TGFB1: variants seen among roughly 807,000 people sequenced by gnomAD.
TGFB1 encodes the protein transforming growth factor beta-1 proprotein.
A neutral mutation model predicts 43.8 loss-of-function variants in TGFB1; 19 were observed. The ratio of observed to expected loss-of-function variants is 0.43; its 90% CI spans 0.30 to 0.64. The LOEUF is 0.64. Among genes scored for constraint, TGFB1 ranks in the 30% least tolerant of loss-of-function variants. The pLI, the probability that TGFB1 is intolerant of heterozygous loss-of-function variation, is 0.11. For missense variants in TGFB1, 445 were observed against 529.8 expected, an observed-to-expected ratio of 0.84 and a Z score of 1.57; for synonymous variants, 221 against 236.3, an observed-to-expected ratio of 0.94 and a Z score of 0.60.
Position 41,341,879 on chromosome 19 carries a change from T to C in TGFB1, c.860+4A>G. On this transcript the variant is annotated splice_donor_region_variant and intron_variant, in intron 5 of 6. Coordinates refer to ENST00000221930, the MANE Select transcript of TGFB1 (RefSeq NM_000660.7). ...AAGGCCTCCATCCAGGCTACAAGGC[T>C]CACCTGAAGCAATAGTTGGTGTCCA... 6.2e-7 allele frequency: 1 copy of C among 1,613,114 alleles called. No individual in the cohort carries two copies. The highest frequency in any genetic ancestry group is 2.2e-5 in the East Asian group (1 of 44,876).
intron 5 of TGFB1, 57 bp from the exon 6 acceptor site, chr19:41,332,338 A>G (rs1430895634): frequency 3.7e-5 from 58 of 1,575,772 alleles, no homozygotes; most frequent in Non-Finnish European, 4.9e-5. Flanking sequence ...TAGAAGCCAC[A>G]TGCCCCTCCT....
intron 6 of TGFB1, 60 bp downstream of exon 6, chr19:41,332,068 C>T (rs2037937949): frequency 9.5e-6 from 15 of 1,579,596 alleles, no homozygotes; most frequent in Non-Finnish European, 1.1e-5. Context: ...CTTTCTCTCT[C>T]CTCTTCCTCC....
At chr19:41,348,207 G>A in intron 2 of TGFB1, 88 bp downstream of exon 2, 2 of 1,507,516 alleles carry the variant, frequency 1.3e-6, no homozygotes, top group Non-Finnish European at 1.8e-6. Context: ...GGTGGACCTT[G>A]TAACCAGCCG....
intron 4 of TGFB1, 69 bp from the exon 5 acceptor site, chr19:41,342,099 G>C (rs761896338): frequency 1.2e-6 from 2 of 1,613,142 alleles, no homozygotes; most frequent in Non-Finnish European, 8.5e-7. Context: ...GATAAGTGGG[G>C]CGTGGGGCAG....
At chr19:41,338,348 G>C (rs1296836997) in intron 5 of TGFB1, among the ~76,000 whole-genome samples, 2 of 151,538 alleles carry the variant, frequency 1.3e-5, no homozygotes, top group African/African-American at 4.9e-5. Flanking sequence ...ACAAAAGTTA[G>C]CCGGGCATGG....
rs980524311 is a variant in TGFB1, at chr19:41,331,204, C to A, written c.1021G>T (p.Ala341Ser). 3 of 1,525,426 alleles carry A rather than the reference C, an allele frequency of 2.0e-6. No individual in the cohort carries two copies. The highest frequency in any genetic ancestry group is 2.8e-5 in the African/African-American group (2 of 71,972). The allele number at this position is 1,525,426 out of a possible 1,614,324, so 94.5% of individuals were successfully genotyped here. The change falls in exon 7 of 7, where the codon GCC becomes TCC. Residue 341 changes from alanine to serine, a missense_variant. This residue lies in a region of TGFB1 where 23 missense variants were observed against 54.1 expected (regional missense o/e 0.42). Coordinates refer to ENST00000221930, the MANE Select transcript of TGFB1 (RefSeq NM_000660.7). ...CCCGGGTTATGCTGGTTGTACAGGG[C>A]CAGGACCTGCGGGCGGCGGGCGGGG... ...SLDTQYSKVL[A>S]LYNQHNPGAS... is the part of the protein sequence containing the mutation.
In TGFB1 at chr19:41,351,639, T is replaced by C. The variant is rs568523481; in HGVS notation, c.355+1051A>G. Among the ~76,000 whole-genome samples, 533 of 152,258 alleles carry C rather than the reference T, an allele frequency of 3.5e-3. 3 individuals carry two copies. Among genetic ancestry groups the C allele is most frequent in the African/African-American group, 0.012 (505 of 41,564 alleles). On this transcript the variant is annotated intron_variant, in intron 1 of 6. Transcript: ENST00000221930. ...TAGCGCAGCGGGGTCCTCCTGCCCC[T>C]TGGTGGAAGCGCAGGCTCCTCCCCC...
intron 2 of TGFB1, among the ~76,000 whole-genome samples, chr19:41,346,093 G>A (rs574273880): frequency 1.3e-5 from 2 of 152,202 alleles, no homozygotes; most frequent in South Asian, 4.2e-4. Context: ...GCTCACGCTT[G>A]TAATCCCAGC....
intron 5 of TGFB1, among the ~76,000 whole-genome samples, chr19:41,341,276 C>G (rs1229473030): frequency 6.6e-6 from 1 of 151,028 alleles, no homozygotes; most frequent in Admixed American, 6.6e-5. Context: ...ACCATCCTGG[C>G]TAACACAGTG....
Position 41,332,189 on chromosome 19 carries a change from T to C in TGFB1, c.953A>G (p.His318Arg), listed in dbSNP as rs763101036. ...GCAGGGCCCGAGGCAGAAGTTGGCA[T>C]GGTAGCCCTTGGGCTCGTGGATCCA... ...WKWIHEPKGY[H>R]ANFCLGPCPY... Residue 318 changes from histidine to arginine, a missense_variant, in exon 6 of 7, where the codon CAT becomes CGT. Physicochemically the swap from His to Arg is conservative, Grantham distance 29. This residue lies in a region of TGFB1 where 23 missense variants were observed against 54.1 expected (regional missense o/e 0.42). Transcript: ENST00000221930. The C allele has an allele frequency of 5.6e-6, 9 of 1,614,172 alleles. No individual in the cohort carries two copies. The highest frequency in any genetic ancestry group is 5.9e-6 in the Non-Finnish European group (7 of 1,180,016).
intron 5 of TGFB1, among the ~76,000 whole-genome samples, chr19:41,333,580 C>T (rs539851386): frequency 3.3e-5 from 5 of 152,220 alleles, no homozygotes; most frequent in African/African-American, 9.6e-5. Flanking sequence ...AGGCTGGTGT[C>T]GAACTTGGGC....
Position 41,353,073 on chromosome 19 carries a change from G to A in TGFB1, c.-29C>T, listed in dbSNP as rs1179690329. 25 of 1,504,266 alleles carry A rather than the reference G, an allele frequency of 1.7e-5. No homozygotes were observed. The highest frequency in any genetic ancestry group is 5.0e-5 in the East Asian group (2 of 40,064). 93.2% of individuals were successfully genotyped at this position (1,504,266 alleles called of 1,614,324 possible). On this transcript the variant is annotated 5_prime_UTR_variant, in exon 1 of 7. Transcript: ENST00000221930. The surrounding 1 kb of genome is among the most constrained non-coding windows in gnomAD (Gnocchi z 5.9). ...GGAGGCGGCGCCCCCCGGCACTGCC[G>A]AGAGCGCGAACAGGGCTGGTGTGGT...
At position 41,344,768 on chromosome 19, in the gene TGFB1, G is replaced by A. The variant is rs199882566; in HGVS notation, c.613C>T (p.Arg205Trp). ...TCACCTCCACGGCTCAACCACTGCC[G>A]CACAACTCCGGTGACATCAAAAGAT... is the stretch of plus-strand genomic sequence containing the variant. ...WLSFDVTGVV[R>W]QWLSRGGEIE... The change falls in exon 3 of 7, where the codon CGG (arginine) becomes TGG (tryptophan). Residue 205 changes from arginine (R) to tryptophan (W), a missense_variant. Physicochemically the swap from Arg to Trp is moderately radical, Grantham distance 101. This residue lies in a region of TGFB1 where 366 missense variants were observed against 428.8 expected (regional missense o/e 0.85). Transcript: ENST00000221930. The A allele has an allele frequency of 4.7e-5, 76 of 1,613,856 alleles. No homozygotes were observed. The East Asian group carries it at 5.6e-4, about 12-fold the overall frequency.
At position 41,331,146 on chromosome 19, in the gene TGFB1, G is replaced by A. The variant is rs1046906328; in HGVS notation, c.1079C>T (p.Ala360Val). ...ASAAPCCVPQALEPLPIVYYV... is the reference protein window; with the variant it reads ...ASAAPCCVPQVLEPLPIVYYV... ...GTACACGATGGGCAGCGGCTCCAGC[G>A]CCTGCGGCACGCAGCACGGCGCCGC... Residue 360 changes from alanine (A) to valine (V), a missense_variant, in exon 7 of 7, where the codon GCG becomes GTG. Transcript: ENST00000221930. 6 of 1,568,440 alleles carry A rather than the reference G, an allele frequency of 3.8e-6. No homozygotes were observed. The African/African-American group carries it at 4.1e-5, about 11-fold the overall frequency.
At chr19:41,335,132 A>C (rs1385559649) in intron 5 of TGFB1, among the ~76,000 whole-genome samples, 1 of 151,066 alleles carries the variant, frequency 6.6e-6, no homozygotes, top group Non-Finnish European at 1.5e-5. Flanking sequence ...AGCTCACTGC[A>C]ACCTCCGTCT....
intron 3 of TGFB1, among the ~76,000 whole-genome samples, chr19:41,344,430 C>T (rs997491652): frequency 6.6e-6 from 1 of 152,196 alleles, no homozygotes; most frequent in Non-Finnish European, 1.5e-5. Context: ...GTCCCACCCA[C>T]TCTGGGTCAT....
At chr19:41,344,447 C>G (rs1555754196) in intron 3 of TGFB1, among the ~76,000 whole-genome samples, 1 of 152,206 alleles carries the variant, frequency 6.6e-6, no homozygotes, top group Non-Finnish European at 1.5e-5. Context: ...TCATCACTGC[C>G]TTACAGGTCT....
chr19:41,336,359 T>C (rs2037988204), intron 5 of TGFB1, among the ~76,000 whole-genome samples: 1 of 151,236 alleles, frequency 6.6e-6, no homozygotes, highest in African/African-American at 2.4e-5. Context: ...CCAATTTCCA[T>C]TGCATCTCTA....
At chr19:41,343,254 C>CAATT (rs1238619777) in intron 3 of TGFB1, among the ~76,000 whole-genome samples, 1 of 152,014 alleles carries the variant, frequency 6.6e-6, no homozygotes, top group Non-Finnish European at 1.5e-5. Flanking sequence ...CCTGCCTCAG[C>CAATT]CTCCCGAGTA....
Sources: allele counts gnomAD v4.1 joint callset (sites outside exome capture counted in the v4.1 genomes callset), GRCh38; gene constraint gnomAD v4.1.1; regional missense constraint gnomAD v4.1.1; non-coding constraint Gnocchi (gnomAD v3.1); transcripts MANE v1.5; gene names NCBI Gene and HGNC (gene_info 2026-07-23, HGNC 2026-07-21).